The following EME1 variants were observed in gnomAD, a reference collection of about 807,000 sequenced individuals.
The protein encoded by EME1 is structure-specific endonuclease subunit EME1.
In EME1, 61 loss-of-function variants were observed where a neutral mutation model predicts 59.1. That is an observed-to-expected ratio of 1.03 (90% confidence interval 0.84 to 1.28). The LOEUF is 1.28. Ranked by LOEUF, EME1 falls within the 50% of genes most tolerant of loss-of-function variation. EME1 has a pLI of 0.00. For missense variants in EME1, 635 were observed against 682.6 expected (o/e 0.93, Z 0.78); for synonymous variants, 230 against 254.2 (o/e 0.90, Z 0.90).
rs535766431 is a variant in EME1 at position 50,378,809 on chromosome 17, G to A, written c.1026G>A (p.Thr342=). 1.6e-5 allele frequency: 26 copies of A among 1,614,060 alleles called. No individual in the cohort carries two copies. The highest frequency in any genetic ancestry group is 1.2e-4 in the Admixed American group (7 of 60,010). The change falls in exon 5 of 9, where the codon ACG becomes ACA. Residue 342 remains threonine (T), a synonymous_variant. Transcript: ENST00000338165. ...SLDSTMKGKE[T]LQGFVTDITA... ...ACAGCACTATGAAAGGGAAGGAAAC[G>A]CTTCAGGGCTTTGTAACTGACATCA...
Position 50,373,230 on chromosome 17 carries a change from C to T in EME1, c.-72C>T. 1 of 1,584,706 alleles carries T rather than the reference C, an allele frequency of 6.3e-7. No homozygotes were observed. The highest frequency in any genetic ancestry group is 8.6e-7 in the Non-Finnish European group (1 of 1,158,102). On this transcript the variant is annotated 5_prime_UTR_variant, in exon 1 of 9. Transcript: ENST00000338165. Reference sequence around the variant, plus strand: ...TCTACTTCCGCTATCAGGAGATCTACTTCCGGGCCCTGCGTGGCAGTTGAA... The same window carrying T: ...TCTACTTCCGCTATCAGGAGATCTATTTCCGGGCCCTGCGTGGCAGTTGAA...
chr17:50,374,906 G>A (rs1254648240), intron 1 of EME1, among the ~76,000 whole-genome samples: 1 of 151,966 alleles, frequency 6.6e-6, no homozygotes, highest in African/African-American at 2.4e-5. Flanking sequence ...CAAGGGGTTG[G>A]AGGTGTTAAA....
Position 50,380,502 on chromosome 17 carries a change from G to A in EME1, c.1536+1G>A. The A allele has an allele frequency of 1.2e-6, 2 of 1,613,188 alleles. No homozygotes were observed. The highest frequency in any genetic ancestry group is 1.7e-6 in the Non-Finnish European group (2 of 1,179,844). On this transcript the variant is annotated splice_donor_variant, in intron 8 of 8. Transcript: ENST00000338165. LOFTEE classifies it high-confidence loss of function. The stretch of plus-strand genomic sequence containing the variant: ...TCCCTCCCCACAGCTCCTGGTACAG[G>A]TATGCTGCTCCAGGGCTCAGGGGTC...
At position 50,379,468 on chromosome 17, in the gene EME1, A is replaced by G. The variant is rs1913667821; in HGVS notation, c.1247A>G (p.Gln416Arg). 1.9e-6 allele frequency: 3 copies of G among 1,614,036 alleles called. No individual in the cohort carries two copies. Among genetic ancestry groups the G allele is most frequent in the Admixed American group, 1.7e-5 (1 of 59,988 alleles). Residue 416 changes from glutamine to arginine, a missense_variant, in exon 7 of 9, where the codon CAG becomes CGG. Transcript: ENST00000338165. ...GGTTTCTAGGCATTGGTGGATCTGCAGCTACACACAGAAGCCCAGGCTCAA... is the reference window on the plus strand; with the variant it reads ...GGTTTCTAGGCATTGGTGGATCTGCGGCTACACACAGAAGCCCAGGCTCAA... Reference protein sequence around the residue: ...VDAEEALVDLQLHTEAQAQIV... With the variant: ...VDAEEALVDLRLHTEAQAQIV...
chr17:50,378,983 G>C lies in EME1; in HGVS notation c.1112+88G>C. ...TTTAGTTTATTCATTGCAGATGTAG[G>C]TCACTCTGCAAGGTAGTCCATCTCT... On this transcript the variant is annotated intron_variant, in intron 5 of 8. Coordinates refer to ENST00000338165, the MANE Select transcript of EME1 (RefSeq NM_152463.4). 3 of 1,611,372 alleles carry C rather than the reference G, an allele frequency of 1.9e-6. No homozygotes were observed. The East Asian group carries it at 6.7e-5, about 36-fold the overall frequency.
chr17:50,376,459 A>G (rs1210762324), intron 3 of EME1, among the ~76,000 whole-genome samples: 1 of 152,194 alleles, frequency 6.6e-6, no homozygotes, highest in African/African-American at 2.4e-5. Flanking sequence ...TTGACATTTT[A>G]GATTGGAGAA....
intron 3 of EME1, among the ~76,000 whole-genome samples, chr17:50,377,363 A>G (rs991706088): frequency 2.0e-5 from 3 of 152,172 alleles, no homozygotes; most frequent in Non-Finnish European, 4.4e-5. Context: ...AACGGGAATG[A>G]GAACCCAGAG....
intron 4 of EME1, 37 bp downstream of exon 4, chr17:50,378,718 AG>A (rs753706292): frequency 6.2e-7 from 1 of 1,614,180 alleles, no homozygotes; most frequent in Non-Finnish European, 8.5e-7. Context: ...CACGGAACAG[AG>A]GGCTGACTCT....
intron 1 of EME1, among the ~76,000 whole-genome samples, chr17:50,374,273 T>C (rs1913327077): frequency 6.6e-6 from 1 of 152,202 alleles, no homozygotes. Context: ...GGTCTCACTC[T>C]GTCACCCGGG....
Position 50,380,444 on chromosome 17 carries a change from C to G in EME1, c.1479C>G (p.Ser493Arg). 1 of 1,614,162 alleles carries G rather than the reference C, an allele frequency of 6.2e-7. No homozygotes were observed. Among genetic ancestry groups the G allele is most frequent in the Non-Finnish European group, 8.5e-7 (1 of 1,180,034 alleles). Reference protein sequence around the residue: ...RRQIQQLNRVSLEMASAVVNA... With the variant: ...RRQIQQLNRVRLEMASAVVNA... Reference sequence around the variant, plus strand: ...AGATTCAGCAGCTGAACCGAGTCAGCCTGGAAATGGCCAGTGCAGTTGTGA... The same window carrying G: ...AGATTCAGCAGCTGAACCGAGTCAGGCTGGAAATGGCCAGTGCAGTTGTGA... Residue 493 changes from serine (S) to arginine (R), a missense_variant, in exon 8 of 9, where the codon AGC becomes AGG. Coordinates refer to ENST00000338165, the MANE Select transcript of EME1 (RefSeq NM_152463.4).
At position 50,379,229 on chromosome 17, in the gene EME1, G is replaced by A; in HGVS notation, c.1230+5G>A. The A allele has an allele frequency of 6.2e-7, 1 of 1,614,046 alleles. No individual in the cohort carries two copies. Among genetic ancestry groups the A allele is most frequent in the Non-Finnish European group, 8.5e-7 (1 of 1,180,010 alleles). ...TCCAGGGTAGACGCTGAAGAGGTAA[G>A]AACGTCCTGTTGCCTGAATCGGGCT... On this transcript the variant is annotated splice_donor_5th_base_variant and intron_variant, in intron 6 of 8. Coordinates refer to ENST00000338165, the MANE Select transcript of EME1 (RefSeq NM_152463.4).
rs760888262 is a variant in EME1 at position 50,380,990 on chromosome 17, A to G, written c.*51A>G. The G allele has an allele frequency of 1.3e-6, 2 of 1,597,716 alleles. No individual in the cohort carries two copies. The highest frequency in any genetic ancestry group is 2.2e-5 in the East Asian group (1 of 44,726). ...AAAGCTGGAAACTTCCACTTCCCCA[A>G]CCTCAGAGCCTGACTGTAATGAAGA... On this transcript the variant is annotated 3_prime_UTR_variant, in exon 9 of 9. Transcript: ENST00000338165.
intron 3 of EME1, among the ~76,000 whole-genome samples, chr17:50,377,094 A>C (rs1913511919): frequency 6.6e-6 from 1 of 152,212 alleles, no homozygotes; most frequent in African/African-American, 2.4e-5. Flanking sequence ...GTATAAAATA[A>C]GAAAAAAGAT....
In EME1 at chr17:50,373,278, G is replaced by C. The variant is rs938805718; in HGVS notation, c.-25+1G>C. On this transcript the variant is annotated splice_donor_variant, in intron 1 of 8. Coordinates refer to ENST00000338165, the MANE Select transcript of EME1 (RefSeq NM_152463.4). LOFTEE classifies it low-confidence loss of function (5UTR_SPLICE). Reference sequence around the variant, plus strand: ...GAAAGAGTGGCGGGAGAAGTTGCAGGTGAGCGTCCCCGGTCGCAGGCCTGC... The same window carrying C: ...GAAAGAGTGGCGGGAGAAGTTGCAGCTGAGCGTCCCCGGTCGCAGGCCTGC... 3 of 1,504,922 alleles carry C rather than the reference G, an allele frequency of 2.0e-6. No homozygotes were observed. In the East Asian group the frequency reaches 7.2e-5, roughly 36 times the overall value. The allele number at this position is 1,504,922 out of a possible 1,614,324, so 93.2% of individuals were successfully genotyped here.
chr17:50,374,306 C>T (rs1435756509), intron 1 of EME1, among the ~76,000 whole-genome samples: 1 of 152,146 alleles, frequency 6.6e-6, no homozygotes, highest in Non-Finnish European at 1.5e-5. Flanking sequence ...CGTACAATCA[C>T]AGCTCACTGC....
chr17:50,379,650 C>A (rs2143331619), intron 7 of EME1, 83 bp downstream of exon 7: 1 of 1,192,390 alleles, frequency 8.4e-7, no homozygotes, highest in East Asian at 2.5e-5. Context: ...TGTCCCTTTC[C>A]CCTCATCTCT....
chr17:50,378,440 C>T (rs975912789), intron 3 of EME1, among the ~76,000 whole-genome samples, 155 bp from the exon 4 acceptor site: 2 of 152,250 alleles, frequency 1.3e-5, no homozygotes, highest in South Asian at 2.1e-4. Flanking sequence ...GGAGGGACAG[C>T]GACACTGTTT....
rs752188331 is a variant in EME1, at chr17:50,379,828, AGTTAC to A, written c.1346+262_1346+266del. Reference sequence around the variant, plus strand: ...TCATAGGCCAGGTTACCATAGGCCAAGTTACCAGGATTAATTACAGGTCAGATCAC... The same window carrying A: ...TCATAGGCCAGGTTACCATAGGCCAACAGGATTAATTACAGGTCAGATCAC... On this transcript the variant is annotated intron_variant, in intron 7 of 8. Coordinates refer to ENST00000338165, the MANE Select transcript of EME1 (RefSeq NM_152463.4). The A allele has an allele frequency of 1.1e-3, 471 of 439,472 alleles. 1 individual carries two copies. Among genetic ancestry groups the A allele is most frequent in the Non-Finnish European group, 1.7e-3 (412 of 241,392 alleles). The allele number at this position is 439,472 out of a possible 1,614,324, so 27.2% of individuals were successfully genotyped here. A position where few individuals can be genotyped will look rare whatever the true frequency, so the allele number is the denominator to read the frequency against.
chr17:50,375,608 G>A lies in EME1; in HGVS notation c.400G>A (p.Asp134Asn). 1.3e-6 allele frequency: 2 copies of A among 1,571,104 alleles called. No homozygotes were observed. Among genetic ancestry groups the A allele is most frequent in the Non-Finnish European group, 8.6e-7 (1 of 1,165,648 alleles). The change falls in exon 2 of 9, where the codon GAC becomes AAC. Residue 134 changes from aspartate to asparagine, a missense_variant. Transcript: ENST00000338165. ...TCAAAATAATGAAGGTGCATCATGT[G>A]ACTGGAAAAAGCCCTTTCCAAAGAT... ...DHQNNEGASC[D>N]WKKPFPKIPE...
Sources: allele counts gnomAD v4.1 joint callset (sites outside exome capture counted in the v4.1 genomes callset), GRCh38; gene constraint gnomAD v4.1.1; transcripts MANE v1.5; gene names NCBI Gene and HGNC (gene_info 2026-07-23, HGNC 2026-07-21).